Variants in ECM2 observed in about 807,000 individuals in gnomAD.
ECM2 encodes the protein extracellular matrix protein 2.
Under a neutral mutation model 67.5 loss-of-function variants are expected in ECM2, and 57 were observed. That is an observed-to-expected ratio of 0.84 (90% CI 0.68 to 1.05). The LOEUF is 1.05. Ranked by LOEUF, ECM2 falls within the 50% of genes least tolerant of loss-of-function variation. ECM2 has a pLI of 0.00. For synonymous variants in ECM2, 258 were observed against 294.5 expected (o/e 0.88, Z 1.27); for missense variants, 741 against 822.8 (o/e 0.90, Z 1.22).
At chr9:92,506,296 G>A (rs1847004654) in intron 6 of ECM2, among the ~76,000 whole-genome samples, 1 of 152,194 alleles carries the variant, frequency 6.6e-6, no homozygotes, top group Non-Finnish European at 1.5e-5. Context: ...GGCACAGAGT[G>A]CAGCCAAATG....
rs529064487 is a variant in ECM2, at chr9:92,532,024, T to A, written c.-28+3909A>T. ...TCTTTTTTTATTTAATGTTTTTTTT[T>A]TTTTATTTTATTTTTTTTTTGAGAT... On this transcript the variant is annotated intron_variant, in intron 1 of 9. Coordinates refer to ENST00000344604, the MANE Select transcript of ECM2 (RefSeq NM_001393.4). Among the ~76,000 whole-genome samples the A allele has an allele frequency of 5.1e-4, 66 of 129,054 alleles. 4 individuals carry two copies. Among genetic ancestry groups the A allele is most frequent in the South Asian group, 1.4e-3 (6 of 4,248 alleles). The allele number at this position is 129,054 out of a possible 152,430, so 84.7% of individuals were successfully genotyped here. A position where few individuals can be genotyped will look rare whatever the true frequency, so the allele number is the denominator to read the frequency against.
chr9:92,521,660 C>T (rs763172714), intron 2 of ECM2, among the ~76,000 whole-genome samples: 40 of 152,030 alleles, frequency 2.6e-4, no homozygotes, highest in Non-Finnish European at 5.3e-4. Flanking sequence ...CCATTTAATA[C>T]GTTTTTAAAA....
chr9:92,551,949 ATATG>A, the ECM2 span, among the ~76,000 whole-genome samples: 96 of 122,606 alleles, frequency 7.8e-4, 1 homozygote, highest in Non-Finnish European at 9.3e-4. Flanking sequence ...ATATATATAT[ATATG>A]ATATATATAT....
chr9:92,509,800 A>G, intron 6 of ECM2, 99 bp downstream of exon 6: 2 of 1,259,624 alleles, frequency 1.6e-6, no homozygotes, highest in Non-Finnish European at 2.1e-6. Flanking sequence ...AAAAATATTT[A>G]CTATTTATTC....
the ECM2 span, among the ~76,000 whole-genome samples, chr9:92,546,703 AG>A: frequency 6.6e-6 from 1 of 152,366 alleles, no homozygotes; most frequent in South Asian, 2.1e-4. Flanking sequence ...TCTTGAAGTC[AG>A]TGAGACCAAG....
the ECM2 span, among the ~76,000 whole-genome samples, chr9:92,551,942 T>TATATATATATATG: frequency 1.3e-5 from 1 of 79,520 alleles, no homozygotes; most frequent in Non-Finnish European, 2.3e-5. Context: ...TATATATATA[T>TATATATATATATG]ATATATATAT....
At chr9:92,527,634 C>T (rs1333703306) in intron 1 of ECM2, among the ~76,000 whole-genome samples, 1 of 152,130 alleles carries the variant, frequency 6.6e-6, no homozygotes, top group Non-Finnish European at 1.5e-5. Flanking sequence ...AACTGAAAAC[C>T]ATGAGCATGA....
intron 4 of ECM2, among the ~76,000 whole-genome samples, 184 bp downstream of exon 4, chr9:92,514,447 G>A (rs1847557720): frequency 6.6e-6 from 1 of 151,826 alleles, no homozygotes; most frequent in South Asian, 2.1e-4. Context: ...GCTAATTTTT[G>A]TATTTTTGGT....
intron 1 of ECM2, among the ~76,000 whole-genome samples, chr9:92,533,331 AT>A (rs1563991499): frequency 9.1e-4 from 72 of 79,072 alleles, no homozygotes; most frequent in African/African-American, 2.1e-3. Context: ...AAAAAAAAAT[AT>A]ATATATATAT....
chr9:92,522,854 C>T lies in ECM2; in HGVS notation c.13G>A (p.Val5Ile). 1.2e-6 allele frequency: 2 copies of T among 1,602,916 alleles called. No individual in the cohort carries two copies. The highest frequency in any genetic ancestry group is 1.7e-6 in the Non-Finnish European group (2 of 1,176,676). MKIA[V>I]LFCFFLLIIF... is the part of the protein sequence containing the mutation. The stretch of plus-strand genomic sequence containing the variant: ...ATAAGCAGAAAAAAACAAAACAAAA[C>T]TGCAATCTTCATGTTTGATTTTTTT... Residue 5 changes from valine to isoleucine, a missense_variant, in exon 2 of 10, where the codon GTT (valine) becomes ATT (isoleucine). Physicochemically the swap from Val to Ile is conservative, Grantham distance 29. Transcript: ENST00000344604.
At chr9:92,534,476 A>C (rs1174903700) in intron 1 of ECM2, among the ~76,000 whole-genome samples, 1 of 152,202 alleles carries the variant, frequency 6.6e-6, no homozygotes, top group Non-Finnish European at 1.5e-5. Context: ...TCTTCAGCGT[A>C]TATATACATT....
At chr9:92,497,720 T>G (rs1005916530) in intron 9 of ECM2, among the ~76,000 whole-genome samples, 1 of 151,576 alleles carries the variant, frequency 6.6e-6, no homozygotes, top group Non-Finnish European at 1.5e-5. Context: ...CCAAATCTCA[T>G]GTTGAAATTT....
chr9:92,547,057 C>A, the ECM2 span, among the ~76,000 whole-genome samples: 1 of 152,046 alleles, frequency 6.6e-6, no homozygotes, highest in East Asian at 1.9e-4. Flanking sequence ...CCAAATCCAA[C>A]AATATATAAA....
chr9:92,502,788 C>T, intron 7 of ECM2, 136 bp from the exon 8 acceptor site: 2 of 442,598 alleles, frequency 4.5e-6, no homozygotes, highest in Non-Finnish European at 7.4e-6. Flanking sequence ...CAAGTAAGCT[C>T]ATATTTTTAA....
the ECM2 span, among the ~76,000 whole-genome samples, chr9:92,546,210 C>G: frequency 6.6e-6 from 1 of 152,180 alleles, no homozygotes; most frequent in African/African-American, 2.4e-5. Context: ...ACGGACCAAT[C>G]AGCTCTCTGT....
intron 1 of ECM2, among the ~76,000 whole-genome samples, chr9:92,532,313 A>T (rs182891295): frequency 6.2e-4 from 95 of 152,050 alleles, no homozygotes; most frequent in African/African-American, 2.1e-3. Flanking sequence ...TTCACTCTGT[A>T]TACAAAGATA....
chr9:92,534,385 G>C (rs1248457206), intron 1 of ECM2, among the ~76,000 whole-genome samples: 3 of 152,168 alleles, frequency 2.0e-5, no homozygotes, highest in Admixed American at 2.0e-4. Flanking sequence ...CACTTAGTTA[G>C]TTCATAGTCT....
the ECM2 span, among the ~76,000 whole-genome samples, chr9:92,550,136 G>A: frequency 1.3e-3 from 194 of 152,260 alleles, no homozygotes; most frequent in East Asian, 7.3e-3. Context: ...GGTGGCTCAC[G>A]CCTACAATCC....
chr9:92,522,926 G>A, intron 1 of ECM2, 33 bp from the exon 2 acceptor site: 1 of 1,511,044 alleles, frequency 6.6e-7, no homozygotes, highest in Non-Finnish European at 8.8e-7. Context: ...AGTTAGTGGT[G>A]ACTAAATTTT....
Sources: gnomAD v4.1 joint callset for allele counts (sites outside exome capture counted in the v4.1 genomes callset) on GRCh38, gnomAD v4.1.1 for gene constraint, MANE v1.5 for transcripts, NCBI Gene and HGNC (gene_info 2026-07-23, HGNC 2026-07-21) for gene names.